Variants in EEFSEC observed in about 807,000 individuals in gnomAD.
The protein encoded by EEFSEC is eukaryotic elongation factor, selenocysteine-tRNA specific.
A neutral mutation model predicts 42.1 loss-of-function variants in EEFSEC; 43 were observed. The ratio of observed to expected loss-of-function variants is 1.02; its 90% CI spans 0.80 to 1.32. The LOEUF (loss-of-function observed/expected upper bound fraction) is 1.32, where lower values mean the gene tolerates loss of function less well. EEFSEC is among the 40% of genes most tolerant of loss of function. The probability of loss-of-function intolerance (pLI) is 0.00; values close to 1 mark genes in which losing one functional copy is unlikely to be tolerated. For missense variants in EEFSEC, 745 were observed against 803.6 expected (o/e 0.93, Z 0.88); for synonymous variants, 354 against 339.1 (o/e 1.04, Z -0.48).
chr3:128,350,309 G>A (rs979707477), intron 5 of EEFSEC, among the ~76,000 whole-genome samples: 2 of 152,234 alleles, frequency 1.3e-5, no homozygotes, highest in African/African-American at 4.8e-5. Flanking sequence ...GGATGGTCTG[G>A]CAGGCTTGGT....
At chr3:128,197,406 G>T (rs1015673980) in intron 1 of EEFSEC, among the ~76,000 whole-genome samples, 1 of 152,162 alleles carries the variant, frequency 6.6e-6, no homozygotes, top group African/African-American at 2.4e-5. Flanking sequence ...AAGTAGCTGG[G>T]ATTACAGGCA....
At chr3:128,424,371 G>A in the EEFSEC span, among the ~76,000 whole-genome samples, 4 of 152,014 alleles carry the variant, frequency 2.6e-5, no homozygotes, top group East Asian at 7.7e-4. Flanking sequence ...GGGTGTTTTG[G>A]GTTTTTGTTT....
intron 4 of EEFSEC, among the ~76,000 whole-genome samples, chr3:128,293,430 G>C (rs1031501391): frequency 3.0e-4 from 45 of 152,058 alleles, no homozygotes; most frequent in Admixed American, 2.0e-4. Flanking sequence ...GGGAGGCCAA[G>C]GCGGGTAGAT....
intron 1 of EEFSEC, among the ~76,000 whole-genome samples, chr3:128,224,496 T>C (rs116634305): frequency 0.011 from 1,704 of 152,296 alleles, 22 homozygotes; most frequent in African/African-American, 0.039. Flanking sequence ...GGAGGTTTTA[T>C]GTGAAAAGTG....
intron 6 of EEFSEC, among the ~76,000 whole-genome samples, chr3:128,378,695 C>T (rs1263879970): frequency 6.6e-6 from 1 of 152,222 alleles, no homozygotes; most frequent in Non-Finnish European, 1.5e-5. Flanking sequence ...GCCCTCTCTC[C>T]TGTGCCTGAC....
At chr3:128,322,962 G>A (rs1010590520) in intron 4 of EEFSEC, among the ~76,000 whole-genome samples, 4 of 152,190 alleles carry the variant, frequency 2.6e-5, no homozygotes, top group Admixed American at 6.5e-5. Context: ...CCACCCCGGG[G>A]CAGAGTATTT....
chr3:128,279,411 C>T (rs1281289637), intron 4 of EEFSEC, among the ~76,000 whole-genome samples: 1 of 152,228 alleles, frequency 6.6e-6, no homozygotes, highest in African/African-American at 2.4e-5. Context: ...GTGATGACCA[C>T]AAGTGTCTGC....
intron 1 of EEFSEC, among the ~76,000 whole-genome samples, chr3:128,182,878 C>CGGGGGGGGGGGG (rs1262106998): frequency 2.2e-4 from 1 of 4,570 alleles, no homozygotes; most frequent in African/African-American, 6.1e-4. Context: ...CCACAGAGAT[C>CGGGGGGGGGGGG]GGGGCGGGGG....
intron 6 of EEFSEC, among the ~76,000 whole-genome samples, chr3:128,376,645 G>T (rs1242907547): frequency 1.3e-5 from 2 of 152,140 alleles, no homozygotes; most frequent in Non-Finnish European, 2.9e-5. Context: ...CAGTAACAGT[G>T]ACCATCCCAG....
At chr3:128,293,055 G>A (rs1022395658) in intron 4 of EEFSEC, among the ~76,000 whole-genome samples, 39 of 152,092 alleles carry the variant, frequency 2.6e-4, no homozygotes, top group African/African-American at 9.2e-4. Context: ...ATTTATAAGT[G>A]TTCTTCTTAC....
intron 6 of EEFSEC, among the ~76,000 whole-genome samples, chr3:128,383,950 A>C (rs1194947617): frequency 6.6e-6 from 1 of 152,260 alleles, no homozygotes. Context: ...TTCAAGACAA[A>C]CTAGAAGTTC....
chr3:128,320,947 C>T (rs747337249), intron 4 of EEFSEC, among the ~76,000 whole-genome samples: 21 of 152,218 alleles, frequency 1.4e-4, no homozygotes, highest in Non-Finnish European at 2.4e-4. Flanking sequence ...CAGGACATAA[C>T]GGGACCTACC....
chr3:128,256,219 T>G (rs941631711), intron 2 of EEFSEC, among the ~76,000 whole-genome samples: 3 of 152,202 alleles, frequency 2.0e-5, no homozygotes, highest in Non-Finnish European at 4.4e-5. Flanking sequence ...TTAACCAGGC[T>G]CAGTGCCTTC....
intron 4 of EEFSEC, among the ~76,000 whole-genome samples, chr3:128,331,123 T>C (rs866318613): frequency 1.6e-4 from 2 of 12,594 alleles, no homozygotes; most frequent in African/African-American, 4.1e-4. Context: ...CTTCCCCCCT[T>C]CTCAGTGCAT....
At chr3:128,189,599 C>A (rs1175386625) in intron 1 of EEFSEC, among the ~76,000 whole-genome samples, 1 of 147,660 alleles carries the variant, frequency 6.8e-6, no homozygotes, top group Non-Finnish European at 1.5e-5. Flanking sequence ...TGGCTGTCTT[C>A]CAGGCTGCAG....
At chr3:128,215,868 A>G (rs970160714) in intron 1 of EEFSEC, among the ~76,000 whole-genome samples, 4 of 152,208 alleles carry the variant, frequency 2.6e-5, no homozygotes, top group Admixed American at 6.5e-5. Context: ...AGAAAGAGAT[A>G]TTTCCTAGTT....
At chr3:128,392,971 A>G (rs73861077) in intron 6 of EEFSEC, among the ~76,000 whole-genome samples, 10,754 of 152,240 alleles carry the variant, frequency 0.071, 787 homozygotes, top group African/African-American at 0.19. Context: ...TCTTCAGAAG[A>G]CAGGGGGCCT....
At chr3:128,405,659 G>A (rs2068100973) in intron 6 of EEFSEC, among the ~76,000 whole-genome samples, 1 of 152,278 alleles carries the variant, frequency 6.6e-6, no homozygotes, top group South Asian at 2.1e-4. Context: ...GAAGCTTGAT[G>A]TGCGAGCCTT....
intron 4 of EEFSEC, among the ~76,000 whole-genome samples, chr3:128,320,947 C>G (rs747337249): frequency 1.3e-5 from 2 of 152,218 alleles, no homozygotes; most frequent in African/African-American, 4.8e-5. Context: ...CAGGACATAA[C>G]GGGACCTACC....
Sources: gnomAD v4.1 joint callset for allele counts (sites outside exome capture counted in the v4.1 genomes callset) on GRCh38, gnomAD v4.1.1 for gene constraint, MANE v1.5 for transcripts, NCBI Gene and HGNC (gene_info 2026-07-23, HGNC 2026-07-21) for gene names.